Variants in ACAP2 observed in about 807,000 individuals in gnomAD.
ACAP2 encodes the protein ArfGAP with coiled-coil, ankyrin repeat and PH domains 2, also known as arf-GAP with coiled-coil, ANK repeat and PH domain-containing protein 2.
A neutral mutation model predicts 115.8 loss-of-function variants in ACAP2; 39 were observed. The ratio of observed to expected loss-of-function variants is 0.34; its 90% CI spans 0.26 to 0.44. The LOEUF (loss-of-function observed/expected upper bound fraction) is 0.44, where lower values mean the gene tolerates loss of function less well. Among genes scored for constraint, ACAP2 ranks in the 20% least tolerant of loss-of-function variants. The pLI is 1.00. For synonymous variants in ACAP2, 289 were observed against 315.8 expected (o/e 0.92, Z 0.90); for missense variants, 662 against 927.6 (o/e 0.71, Z 3.72).
intron 6 of ACAP2, 110 bp downstream of exon 6, chr3:195,342,361 A>G: frequency 9.1e-7 from 1 of 1,098,452 alleles, no homozygotes; most frequent in South Asian, 2.1e-5. Context: ...TTATGTTTTA[A>G]CTTTAAGTTC....
chr3:195,308,873 CAT>C lies in ACAP2; in HGVS notation c.858-38_858-37del, dbSNP rs754440698. Reference sequence around the variant, plus strand: ...ACAAAATAGATTAAGTTTTCATAAACATAATTTATTTCCATTGTTGTTAGAAA... The same window carrying C: ...ACAAAATAGATTAAGTTTTCATAAACAATTTATTTCCATTGTTGTTAGAAA... On this transcript the variant is annotated intron_variant, in intron 10 of 22. Coordinates refer to ENST00000326793, the MANE Select transcript of ACAP2 (RefSeq NM_012287.6). 11 of 1,539,246 alleles carry C rather than the reference CAT, an allele frequency of 7.1e-6. No individual in the cohort carries two copies. The African/African-American group carries it at 1.4e-4, about 19-fold the overall frequency.
At chr3:195,408,794 C>T (rs1413205389) in intron 1 of ACAP2, among the ~76,000 whole-genome samples, 3 of 151,912 alleles carry the variant, frequency 2.0e-5, no homozygotes, top group Admixed American at 6.5e-5. Context: ...AATAATTCAA[C>T]ATATGAAGAA....
chr3:195,395,141 A>C (rs189342628), intron 1 of ACAP2, among the ~76,000 whole-genome samples: 6 of 144,792 alleles, frequency 4.1e-5, no homozygotes, highest in African/African-American at 1.1e-4. Flanking sequence ...GATAGATATT[A>C]ATTCTCTGCA....
At chr3:195,404,614 C>CTGAGAAA (rs1712583452) in intron 1 of ACAP2, among the ~76,000 whole-genome samples, 2 of 151,682 alleles carry the variant, frequency 1.3e-5, no homozygotes, top group African/African-American at 4.8e-5. Flanking sequence ...AAGAAATCTT[C>CTGAGAAA]ATTTTCTTTC....
chr3:195,415,601 T>C (rs1267419077), intron 1 of ACAP2, among the ~76,000 whole-genome samples: 1 of 152,104 alleles, frequency 6.6e-6, no homozygotes, highest in South Asian at 2.1e-4. Flanking sequence ...AAAGTAAATA[T>C]TGTCTTCAGC....
chr3:195,361,845 C>T (rs747438264), intron 4 of ACAP2, among the ~76,000 whole-genome samples: 1 of 151,854 alleles, frequency 6.6e-6, no homozygotes, highest in Non-Finnish European at 1.5e-5. Flanking sequence ...ACATTATAAC[C>T]CATACTGCAG....
intron 7 of ACAP2, 72 bp from the exon 8 acceptor site, chr3:195,333,195 T>C (rs1337008542): frequency 7.9e-6 from 5 of 634,994 alleles, no homozygotes; most frequent in Non-Finnish European, 9.6e-6. Context: ...TACATATATA[T>C]ATAAAAATAT....
chr3:195,377,860 A>T (rs1733659235), intron 4 of ACAP2, among the ~76,000 whole-genome samples: 1 of 152,252 alleles, frequency 6.6e-6, no homozygotes, highest in Non-Finnish European at 1.5e-5. Context: ...ATAGTGTCAG[A>T]CAAAAAGTTC....
At chr3:195,315,179 A>C (rs1729010093) in intron 10 of ACAP2, among the ~76,000 whole-genome samples, 1 of 152,138 alleles carries the variant, frequency 6.6e-6, no homozygotes, top group Non-Finnish European at 1.5e-5. Flanking sequence ...ACCACACCTG[A>C]CTAATTTTTA....
chr3:195,326,492 C>G (rs1213725931), intron 9 of ACAP2: 1 of 163,876 alleles, frequency 6.1e-6, no homozygotes, highest in East Asian at 1.7e-4. Flanking sequence ...ACCAAACACG[C>G]ATGTTGACAC....
At chr3:195,288,438 A>G (rs764949607) in intron 21 of ACAP2, among the ~76,000 whole-genome samples, 2 of 152,182 alleles carry the variant, frequency 1.3e-5, no homozygotes, top group African/African-American at 2.4e-5. Flanking sequence ...ACAATGCACA[A>G]TGCTCTGTTA....
Position 195,274,796 on chromosome 3 carries a change from A to G in ACAP2, c.*4532T>C, listed in dbSNP as rs1017435603. 5.2e-5 allele frequency: 8 copies of G among 152,740 alleles called. No individual in the cohort carries two copies. Among genetic ancestry groups the G allele is most frequent in the African/African-American group, 1.9e-4 (8 of 41,562 alleles). 9.5% of individuals were successfully genotyped at this position (152,740 alleles called of 1,614,324 possible). On this transcript the variant is annotated 3_prime_UTR_variant, in exon 23 of 23. Transcript: ENST00000326793. ...CTTATTGTAATTTTTTGGCATACAA[A>G]TTACTTAAGTATATTTACAATTCTT...
At chr3:195,299,663 T>C (rs764743717) in intron 15 of ACAP2, among the ~76,000 whole-genome samples, 2 of 151,832 alleles carry the variant, frequency 1.3e-5, no homozygotes, top group South Asian at 2.1e-4. Flanking sequence ...ACGGTGAAAC[T>C]CCATCTCTAC....
intron 15 of ACAP2, among the ~76,000 whole-genome samples, chr3:195,301,346 A>C (rs1489299795): frequency 6.6e-6 from 1 of 152,152 alleles, no homozygotes; most frequent in South Asian, 2.1e-4. Flanking sequence ...TCGGCTTCCT[A>C]AAGTGCTGGG....
chr3:195,285,594 T>C (rs1726792315), intron 22 of ACAP2: 5 of 524,710 alleles, frequency 9.5e-6, no homozygotes, highest in Non-Finnish European at 1.7e-5. Context: ...TACGAATGTT[T>C]AAAGGCCCGG....
rs200377540 is a variant in ACAP2, at chr3:195,306,521, T to C, written c.1106A>G (p.Asp369Gly). 4.6e-5 allele frequency: 74 copies of C among 1,604,864 alleles called. 2 individuals carry two copies. In the South Asian group the frequency reaches 7.8e-4, roughly 17 times the overall value. Reference sequence around the variant, plus strand: ...AATACCTCTACTAACCTCTGATTCATCACCCTTCTCTCTATAAGCAGTAGC... The same window carrying C: ...AATACCTCTACTAACCTCTGATTCACCACCCTTCTCTCTATAAGCAGTAGC... ...SIATAYREKG[D>G]ESEKLDKKSS... The change falls in exon 13 of 23, where the codon GAT becomes GGT. Residue 369 changes from aspartate to glycine, a missense_variant. By Grantham distance (94) the Asp-to-Gly change is moderately conservative. Transcript: ENST00000326793.
At chr3:195,294,537 C>T (rs765658064) in intron 18 of ACAP2, among the ~76,000 whole-genome samples, 182 bp downstream of exon 18, 3 of 145,250 alleles carry the variant, frequency 2.1e-5, no homozygotes, top group East Asian at 4.1e-4. Flanking sequence ...AAGATCGTAC[C>T]GCTGCACTCC....
At chr3:195,351,830 C>T (rs1175945824) in intron 4 of ACAP2, among the ~76,000 whole-genome samples, 1 of 152,074 alleles carries the variant, frequency 6.6e-6, no homozygotes, top group Non-Finnish European at 1.5e-5. Context: ...GGCAAAGAAA[C>T]AAAATGCTCA....
chr3:195,438,170 T>G (rs1715711293), intron 1 of ACAP2, among the ~76,000 whole-genome samples: 2 of 151,236 alleles, frequency 1.3e-5, no homozygotes, highest in Admixed American at 6.6e-5. Flanking sequence ...GGATTACAGG[T>G]GCCCACCATC....
Sources: allele counts gnomAD v4.1 joint callset (sites outside exome capture counted in the v4.1 genomes callset), GRCh38; gene constraint gnomAD v4.1.1; transcripts MANE v1.5; gene names NCBI Gene and HGNC (gene_info 2026-07-23, HGNC 2026-07-21).